Variants in ZFP62 observed in about 807,000 individuals in gnomAD.
ZFP62 encodes the protein ZFP62 zinc finger protein, also known as zinc finger protein 62 homolog.
In ZFP62, 44 loss-of-function variants were observed where a neutral mutation model predicts 56.4. The ratio of observed to expected loss-of-function variants is 0.78; its 90% CI spans 0.61 to 1.00. The LOEUF is 1.00. ZFP62 is among the 50% of genes least tolerant of loss of function. The pLI is 0.00. For missense variants in ZFP62, 1,030 were observed against 1,085.7 expected (o/e 0.95, Z 0.72); for synonymous variants, 421 against 388.9 (o/e 1.08, Z -0.97).
chr5:180,857,046 G>A (rs955765276), intron 1 of ZFP62, among the ~76,000 whole-genome samples: 3 of 151,400 alleles, frequency 2.0e-5, no homozygotes, highest in African/African-American at 4.9e-5. Flanking sequence ...GAAGAGAAGA[G>A]TGCCAAGGGA....
the ZFP62 span, among the ~76,000 whole-genome samples, chr5:180,840,363 T>C: frequency 6.6e-6 from 1 of 152,170 alleles, no homozygotes; most frequent in Non-Finnish European, 1.5e-5. Flanking sequence ...CCACTGGATG[T>C]CAATCAGCCA....
Position 180,849,686 on chromosome 5 carries a change from G to A in ZFP62, c.1809C>T (p.Thr603=), listed in dbSNP as rs1773577195. Residue 603 remains threonine (T), a synonymous_variant, in exon 2 of 2, where the codon ACC becomes ACT. Transcript: ENST00000502412. The stretch of plus-strand genomic sequence containing the variant: ...GATGAACTTTTTTGTGGTTTGTAAG[G>A]GTTCGGTATGTGATGAAGGCCTTCT... ...ECEKAFITYR[T]LTNHKKVHLG... The A allele has an allele frequency of 6.4e-7, 1 of 1,551,560 alleles. No homozygotes were observed. The highest frequency in any genetic ancestry group is 1.2e-5 in the South Asian group (1 of 84,040).
At chr5:180,855,938 C>T (rs938643982) in intron 1 of ZFP62, among the ~76,000 whole-genome samples, 2 of 152,210 alleles carry the variant, frequency 1.3e-5, no homozygotes, top group African/African-American at 4.8e-5. Flanking sequence ...TACTGTGGCA[C>T]CTAAAGCCTT....
At chr5:180,839,858 A>G in the ZFP62 span, among the ~76,000 whole-genome samples, 22 of 152,352 alleles carry the variant, frequency 1.4e-4, no homozygotes, top group East Asian at 4.2e-3. Flanking sequence ...CCCAGCGCCA[A>G]GGACAGCTTC....
the ZFP62 span, among the ~76,000 whole-genome samples, chr5:180,833,875 TAGCC>T: frequency 6.6e-6 from 1 of 152,108 alleles, no homozygotes; most frequent in Admixed American, 6.5e-5. Context: ...TTCACCGTGT[TAGCC>T]AGGATGGTCT....
chr5:180,861,208 G>A lies in ZFP62; in HGVS notation c.1+11C>T, dbSNP rs544018760. The A allele has an allele frequency of 5.0e-6, 2 of 398,356 alleles. No homozygotes were observed. Among genetic ancestry groups the A allele is most frequent in the East Asian group, 3.6e-5 (1 of 28,042 alleles). The allele number at this position is 398,356 out of a possible 1,614,324, so 24.7% of individuals were successfully genotyped here. A position where few individuals can be genotyped will look rare whatever the true frequency, so the allele number is the denominator to read the frequency against. Reference sequence around the variant, plus strand: ...GGGGGCGGGAGCGCGGGCGGCCGCGGACTCACGTACTGGCTGTGGCGGCGC... The same window carrying A: ...GGGGGCGGGAGCGCGGGCGGCCGCGAACTCACGTACTGGCTGTGGCGGCGC... On this transcript the variant is annotated intron_variant, in intron 1 of 1. Transcript: ENST00000502412.
intron 1 of ZFP62, among the ~76,000 whole-genome samples, chr5:180,859,708 A>G (rs992961458): frequency 6.6e-6 from 1 of 152,338 alleles, no homozygotes; most frequent in East Asian, 1.9e-4. Flanking sequence ...CAATTAGTCT[A>G]TTAGGCTAGT....
chr5:180,831,218 G>C, the ZFP62 span: 13 of 154,276 alleles, frequency 8.4e-5, no homozygotes, highest in South Asian at 2.4e-3. Context: ...GACCTTTGCG[G>C]GGAGGCCTCA....
the ZFP62 span, among the ~76,000 whole-genome samples, chr5:180,839,799 C>A: frequency 2.6e-5 from 4 of 152,190 alleles, no homozygotes; most frequent in Non-Finnish European, 5.9e-5. Context: ...TGTGTCCTGA[C>A]AGGAAATAAG....
downstream of ZFP62, chr5:180,845,995 T>C: frequency 2.4e-6 from 1 of 418,008 alleles, no homozygotes; most frequent in Non-Finnish European, 3.2e-6. Context: ...CTTTTCTCTT[T>C]CTCCTCCCCG....
At chr5:180,860,393 C>T (rs1412843149) in intron 1 of ZFP62, 1 of 152,178 alleles carries the variant, frequency 6.6e-6, no homozygotes, top group East Asian at 1.9e-4. Context: ...AATGCTCCTG[C>T]TGGCCAACTA....
chr5:180,848,740 C>A lies in ZFP62; in HGVS notation c.*52G>T. 1 of 1,460,342 alleles carries A rather than the reference C, an allele frequency of 6.8e-7. No individual in the cohort carries two copies. Among genetic ancestry groups the A allele is most frequent in the South Asian group, 1.5e-5 (1 of 68,030 alleles). 90.5% of individuals were successfully genotyped at this position (1,460,342 alleles called of 1,614,324 possible). The stretch of plus-strand genomic sequence containing the variant: ...CCATGACCCCCTACATTCTTACATT[C>A]ATAAGGTATTTCTTCCATTTGAGTT... On this transcript the variant is annotated 3_prime_UTR_variant, in exon 2 of 2. Transcript: ENST00000502412.
the ZFP62 span, among the ~76,000 whole-genome samples, chr5:180,838,292 G>A: frequency 5.3e-5 from 8 of 152,110 alleles, no homozygotes; most frequent in Non-Finnish European, 1.0e-4. Flanking sequence ...GCCCAAGCAA[G>A]GTGAAGAGGG....
chr5:180,850,179 T>C lies in ZFP62; in HGVS notation c.1316A>G (p.His439Arg). ...TCTCTCTCCGGTATGAATAGTTCTG[T>C]GTTGAAGAAGTAGTGAGTTATAACT... Reference protein sequence around the residue: ...SFSYNSLLLQHRTIHTGERPY... With the variant: ...SFSYNSLLLQRRTIHTGERPY... The change falls in exon 2 of 2, where the codon CAC (histidine) becomes CGC (arginine). Residue 439 changes from histidine to arginine, a missense_variant. Physicochemically the swap from His to Arg is conservative, Grantham distance 29. Coordinates refer to ENST00000502412, the MANE Select transcript of ZFP62 (RefSeq NM_001172638.2). 1 of 1,551,904 alleles carries C rather than the reference T, an allele frequency of 6.4e-7. No homozygotes were observed. The highest frequency in any genetic ancestry group is 1.2e-5 in the South Asian group (1 of 84,070).
Position 180,849,738 on chromosome 5 carries a change from TC to T in ZFP62, c.1756del (p.Glu586ArgfsTer132). 1 of 1,551,916 alleles carries T rather than the reference TC, an allele frequency of 6.4e-7. No homozygotes were observed. On this transcript the variant is annotated frameshift_variant, in exon 2 of 2. Transcript: ENST00000502412. LOFTEE classifies it high-confidence loss of function. ...ACACTCGTCACACTTAAAGGGCTTC[TC>T]CCCAGGGTGTACACTTTTATGATTT... ...LINHKSVHPG[E>X]KPFKCDECEK...
intron 1 of ZFP62, among the ~76,000 whole-genome samples, chr5:180,853,462 G>A (rs1374269348): frequency 1.3e-5 from 2 of 152,214 alleles, no homozygotes; most frequent in African/African-American, 4.8e-5. Context: ...AGGGATGGGA[G>A]AAAGAGAGAG....
chr5:180,846,483 G>A (rs189132012), downstream of ZFP62, among the ~76,000 whole-genome samples: 9 of 152,290 alleles, frequency 5.9e-5, no homozygotes, highest in South Asian at 2.1e-4. Flanking sequence ...ATGTCCCCAC[G>A]ACTACGGGGA....
chr5:180,842,087 C>G, the ZFP62 span, among the ~76,000 whole-genome samples: 1 of 152,052 alleles, frequency 6.6e-6, no homozygotes, highest in Non-Finnish European at 1.5e-5. Context: ...TACTGAGAAA[C>G]AGAAAAACTT....
Position 180,851,243 on chromosome 5 carries a change from T to C in ZFP62, c.252A>G (p.Glu84=), listed in dbSNP as rs1282719433. Residue 84 remains glutamate (E), a synonymous_variant, in exon 2 of 2, where the codon GAA becomes GAG. Transcript: ENST00000502412. The part of the protein sequence containing the change: ...KAKSTANIKT[E]QEGEASEKSL... ...TCTTCTCAGATGCCTCACCTTCCTG[T>C]TCTGTCTTTATATTTGCTGTACTCT... 1 of 1,551,658 alleles carries C rather than the reference T, an allele frequency of 6.4e-7. No homozygotes were observed. The highest frequency in any genetic ancestry group is 2.4e-5 in the East Asian group (1 of 40,924).
Sources: gnomAD v4.1 joint callset for allele counts (sites outside exome capture counted in the v4.1 genomes callset) on GRCh38, gnomAD v4.1.1 for gene constraint, MANE v1.5 for transcripts, NCBI Gene and HGNC (gene_info 2026-07-23, HGNC 2026-07-21) for gene names.